DGKH: variants seen among roughly 807,000 people sequenced by gnomAD.
The protein encoded by DGKH is diacylglycerol kinase eta.
Under a neutral mutation model 159.3 loss-of-function variants are expected in DGKH, and 90 were observed. That is an observed-to-expected ratio of 0.57 (90% confidence interval 0.48 to 0.67). DGKH has a LOEUF of 0.67. Ranked by LOEUF, DGKH falls within the 30% of genes least tolerant of loss-of-function variation. DGKH has a pLI of 0.00. For synonymous variants in DGKH, 536 were observed against 553.8 expected (o/e 0.97, Z 0.45); for missense variants, 1,181 against 1,506.1 (o/e 0.78, Z 3.57).
Position 42,222,862 on chromosome 13 carries a change from TAC to T in DGKH, c.3573+1476_3573+1477del, listed in dbSNP as rs200066925. Among the ~76,000 whole-genome samples the T allele has an allele frequency of 7.3e-3, 1,105 of 152,254 alleles. 7 individuals are homozygous for T. The highest frequency in any genetic ancestry group is 0.011 in the Non-Finnish European group (729 of 68,020). ...ACATACAAACATAGATATATACAGG[TAC>T]ACACACAATGAATGTAGCAGAATGA... On this transcript the variant is annotated intron_variant, in intron 29 of 29. Coordinates refer to ENST00000337343, the MANE Select transcript of DGKH (RefSeq NM_178009.5).
intron 29 of DGKH, among the ~76,000 whole-genome samples, chr13:42,227,256 CTTAAAA>C (rs1036065604): frequency 1.3e-5 from 2 of 152,058 alleles, no homozygotes; most frequent in East Asian, 1.9e-4. Flanking sequence ...TATCCTGGAA[CTTAAAA>C]TTAAATTAAT....
chr13:42,074,580 A>G (rs1041537431), intron 1 of DGKH, among the ~76,000 whole-genome samples: 1 of 152,162 alleles, frequency 6.6e-6, no homozygotes, highest in African/African-American at 2.4e-5. Flanking sequence ...ACAGGCTATA[A>G]CTTACCTGTT....
chr13:42,175,897 G>A (rs1203966641), intron 12 of DGKH, among the ~76,000 whole-genome samples: 1 of 152,146 alleles, frequency 6.6e-6, no homozygotes, highest in Non-Finnish European at 1.5e-5. Flanking sequence ...TTAGCTGTGG[G>A]TCTTAGGCAA....
chr13:42,135,489 C>CACAAAAAAAAA (rs1223953901), intron 3 of DGKH, among the ~76,000 whole-genome samples: 2 of 50,986 alleles, frequency 3.9e-5, no homozygotes, highest in Admixed American at 3.3e-4. Context: ...GACCCTGTCT[C>CACAAAAAAAAA]AGAAAAAAAA....
At chr13:42,131,329 C>A (rs983575291) in intron 3 of DGKH, among the ~76,000 whole-genome samples, 1 of 152,012 alleles carries the variant, frequency 6.6e-6, no homozygotes, top group Non-Finnish European at 1.5e-5. Context: ...ATAGTTAGAA[C>A]CAAAAGTTGA....
At chr13:42,208,305 C>T (rs1957556917) in intron 21 of DGKH, among the ~76,000 whole-genome samples, 1 of 151,956 alleles carries the variant, frequency 6.6e-6, no homozygotes, top group South Asian at 2.1e-4. Context: ...GGTAATACAG[C>T]CTACATATAA....
chr13:42,078,289 C>T (rs1470337879), intron 1 of DGKH, among the ~76,000 whole-genome samples: 1 of 152,186 alleles, frequency 6.6e-6, no homozygotes, highest in Non-Finnish European at 1.5e-5. Context: ...TGCCACTGGA[C>T]TGTAAGTGTT....
intron 1 of DGKH, among the ~76,000 whole-genome samples, chr13:42,095,264 G>A (rs966276334): frequency 1.4e-5 from 2 of 142,168 alleles, no homozygotes; most frequent in Non-Finnish European, 3.0e-5. Context: ...CCAGGTTCAA[G>A]TGATTCTCCT....
chr13:42,128,496 C>G (rs1955217436), intron 2 of DGKH, among the ~76,000 whole-genome samples: 1 of 152,154 alleles, frequency 6.6e-6, no homozygotes, highest in Non-Finnish European at 1.5e-5. Context: ...TCACATTTAT[C>G]TCTAGACAGC....
At chr13:42,076,084 TA>T (rs1555257958) in intron 1 of DGKH, among the ~76,000 whole-genome samples, 1 of 152,222 alleles carries the variant, frequency 6.6e-6, no homozygotes. Context: ...ATGGTGTTTG[TA>T]AATATTGTGC....
chr13:42,184,574 T>C (rs1314913899), intron 13 of DGKH, among the ~76,000 whole-genome samples: 2 of 152,186 alleles, frequency 1.3e-5, no homozygotes, highest in East Asian at 3.8e-4. Flanking sequence ...CCAAAAGTTC[T>C]GTCTAGGCCT....
downstream of DGKH, among the ~76,000 whole-genome samples, chr13:42,247,714 T>C (rs1958592320): frequency 6.6e-6 from 1 of 152,226 alleles, no homozygotes; most frequent in Non-Finnish European, 1.5e-5. Context: ...AAGACAGTGA[T>C]ACTGATGATC....
In DGKH at chr13:42,127,464, C is replaced by T; in HGVS notation, c.194C>T (p.Thr65Ile). Residue 65 changes from threonine to isoleucine, a missense_variant and splice_region_variant, in exon 2 of 30, where the codon ACC becomes ATC. Physicochemically the swap from Thr to Ile is moderately conservative, Grantham distance 89. This residue lies in a region of DGKH where 136 missense variants were observed against 132.2 expected (regional missense o/e 1.03). Transcript: ENST00000337343. ...VSTSGQIRTK[T>I]SIKEGQLLKQ... is the part of the protein sequence containing the mutation. ...CATTGTGCTTCTGCTTCTCTCTAGA[C>T]CAGTATTAAAGAGGGACAGCTATTG... 1.2e-6 allele frequency: 2 copies of T among 1,609,928 alleles called. No homozygotes were observed. The highest frequency in any genetic ancestry group is 1.7e-6 in the Non-Finnish European group (2 of 1,176,376).
chr13:42,125,998 A>G lies in DGKH; in HGVS notation c.193-1465A>G, dbSNP rs373060061. Among the ~76,000 whole-genome samples, 28 of 152,232 alleles carry G rather than the reference A, an allele frequency of 1.8e-4. No homozygotes were observed. The East Asian group carries it at 3.9e-3, about 21-fold the overall frequency. ...ACTGTAACTCTTTATTGAATGCTGT[A>G]TAAATGTGATCCATCTTGGACCCTA... On this transcript the variant is annotated intron_variant, in intron 1 of 29. Coordinates refer to ENST00000337343, the MANE Select transcript of DGKH (RefSeq NM_178009.5).
chr13:42,183,318 A>C (rs529530290), intron 13 of DGKH, among the ~76,000 whole-genome samples: 1 of 152,066 alleles, frequency 6.6e-6, no homozygotes, highest in Non-Finnish European at 1.5e-5. Flanking sequence ...AAATTCTATA[A>C]TGGTTTCCCT....
At chr13:42,179,850 T>G (rs778728638) in intron 13 of DGKH, among the ~76,000 whole-genome samples, 2 of 151,828 alleles carry the variant, frequency 1.3e-5, no homozygotes, top group Non-Finnish European at 2.9e-5. Flanking sequence ...TACAAAGGTG[T>G]TAAGATTAAG....
At chr13:42,160,559 TG>T (rs1956153949) in intron 7 of DGKH, among the ~76,000 whole-genome samples, 1 of 152,184 alleles carries the variant, frequency 6.6e-6, no homozygotes, top group Non-Finnish European at 1.5e-5. Context: ...CAGCCGAACA[TG>T]AAGCCAACAG....
chr13:42,168,738 G>A lies in DGKH; in HGVS notation c.1287G>A (p.Trp429Ter). 1 of 1,614,104 alleles carries A rather than the reference G, an allele frequency of 6.2e-7. No homozygotes were observed. Among genetic ancestry groups the A allele is most frequent in the Non-Finnish European group, 8.5e-7 (1 of 1,180,012 alleles). ...TGNDLARVLG[W>*]GGSYDDDTQL... ...ATGACCTTGCCCGAGTTCTTGGCTGGGGAGGTTCATATGACGATGACACCC... is the reference window on the plus strand; with the variant it reads ...ATGACCTTGCCCGAGTTCTTGGCTGAGGAGGTTCATATGACGATGACACCC... Residue 429 changes from tryptophan (W) to a stop codon, truncating the protein, a stop_gained, in exon 11 of 30, where the codon TGG becomes TGA. Transcript: ENST00000337343. LOFTEE classifies it high-confidence loss of function.
chr13:42,211,936 GTC>G (rs2138208718), intron 24 of DGKH, among the ~76,000 whole-genome samples: 1 of 152,186 alleles, frequency 6.6e-6, no homozygotes, highest in South Asian at 2.1e-4. Context: ...CCTCCCACTG[GTC>G]TCTCTCATGA....
Sources: allele counts gnomAD v4.1 joint callset (sites outside exome capture counted in the v4.1 genomes callset), GRCh38; gene constraint gnomAD v4.1.1; regional missense constraint gnomAD v4.1.1; transcripts MANE v1.5; gene names NCBI Gene and HGNC (gene_info 2026-07-23, HGNC 2026-07-21).